GALNT5: variants seen among roughly 807,000 people sequenced by gnomAD.
The protein encoded by GALNT5 is polypeptide N-acetylgalactosaminyltransferase 5, also known as UDP-GalNAc:polypeptide N-acetylgalactosaminyltransferase 5.
Under a neutral mutation model 85.4 loss-of-function variants are expected in GALNT5, and 72 were observed. That is an observed-to-expected ratio of 0.84 (90% CI 0.70 to 1.03). The LOEUF (loss-of-function observed/expected upper bound fraction) is 1.03, where lower values mean the gene tolerates loss of function less well. Among genes scored for constraint, GALNT5 ranks in the 50% least tolerant of loss-of-function variants. The pLI is 0.00. For missense variants in GALNT5, 1,137 were observed against 1,135.5 expected, an observed-to-expected ratio of 1.00 and a Z score of -0.02; for synonymous variants, 404 against 397.0, an observed-to-expected ratio of 1.02 and a Z score of -0.21.
chr2:157,265,777 T>C (rs1021982580), intron 1 of GALNT5, among the ~76,000 whole-genome samples: 1 of 152,178 alleles, frequency 6.6e-6, no homozygotes, highest in African/African-American at 2.4e-5. Flanking sequence ...AATAGCAATG[T>C]TTAGAAGCTG....
At chr2:157,280,641 A>C (rs1440306940) in intron 1 of GALNT5, among the ~76,000 whole-genome samples, 1 of 152,242 alleles carries the variant, frequency 6.6e-6, no homozygotes. Context: ...CCAAAAATAC[A>C]GAAGTATCAT....
At chr2:157,272,887 T>C (rs1337709062) in intron 1 of GALNT5, among the ~76,000 whole-genome samples, 1 of 152,210 alleles carries the variant, frequency 6.6e-6, no homozygotes, top group African/African-American at 2.4e-5. Context: ...ATTGGATTGC[T>C]TGCTCAAATG....
chr2:157,291,060 T>C (rs948280419), intron 3 of GALNT5, among the ~76,000 whole-genome samples: 16 of 152,250 alleles, frequency 1.1e-4, no homozygotes, highest in African/African-American at 3.9e-4. Flanking sequence ...AATGGATCTC[T>C]AAGAATTGCC....
chr2:157,262,437 G>A (rs1315049576), intron 1 of GALNT5, among the ~76,000 whole-genome samples: 1 of 152,086 alleles, frequency 6.6e-6, no homozygotes, highest in African/African-American at 2.4e-5. Context: ...AGGAGTTTGA[G>A]ATCAGCCTGG....
At chr2:157,302,652 G>A (rs770832979) in intron 7 of GALNT5, 4 of 151,728 alleles carry the variant, frequency 2.6e-5, no homozygotes, top group Non-Finnish European at 5.9e-5. Flanking sequence ...ATCTCAGTCA[G>A]AGTAATAATA....
chr2:157,273,831 T>C (rs1682654238), intron 1 of GALNT5, among the ~76,000 whole-genome samples: 1 of 151,738 alleles, frequency 6.6e-6, no homozygotes, highest in African/African-American at 2.4e-5. Context: ...TTTTTTATTA[T>C]ACTTTAATAA....
At chr2:157,281,347 C>A (rs1374900372) in intron 1 of GALNT5, among the ~76,000 whole-genome samples, 12 of 152,144 alleles carry the variant, frequency 7.9e-5, no homozygotes. Flanking sequence ...TTACAGGTGC[C>A]CAGCCAGGTG....
At chr2:157,289,478 G>A (rs564866864) in intron 3 of GALNT5, among the ~76,000 whole-genome samples, 5 of 152,110 alleles carry the variant, frequency 3.3e-5, no homozygotes, top group Non-Finnish European at 5.9e-5. Flanking sequence ...ATGTGGAATA[G>A]ATTCTAATAC....
chr2:157,280,846 TAA>T (rs900862511), intron 1 of GALNT5, among the ~76,000 whole-genome samples: 12 of 152,042 alleles, frequency 7.9e-5, no homozygotes, highest in African/African-American at 2.9e-4. Flanking sequence ...TTTGGTTGGT[TAA>T]AAGTGTCAGA....
In GALNT5 at chr2:157,258,826, G is replaced by A; in HGVS notation, c.744G>A (p.Lys248=). The A allele has an allele frequency of 6.3e-7, 1 of 1,590,056 alleles. No homozygotes were observed. The highest frequency in any genetic ancestry group is 1.3e-5 in the African/African-American group (1 of 74,098). The change falls in exon 1 of 10, where the codon AAG becomes AAA. Residue 248 remains lysine (K), a synonymous_variant. Transcript: ENST00000259056. ...ACCCTGCCAGCACAGCAGTGCCGAAGTCTGGGGAAGCCATGGCCTTAAACA... is the reference window on the plus strand; with the variant it reads ...ACCCTGCCAGCACAGCAGTGCCGAAATCTGGGGAAGCCATGGCCTTAAACA... ...RAHPASTAVP[K]SGEAMALNKT... is the part of the protein sequence containing the mutation.
At chr2:157,260,970 C>T (rs1682327290) in intron 1 of GALNT5, among the ~76,000 whole-genome samples, 2 of 152,146 alleles carry the variant, frequency 1.3e-5, no homozygotes, top group Admixed American at 1.3e-4. Flanking sequence ...GGTCACAAAG[C>T]TAGTCATTGT....
chr2:157,300,571 A>T, intron 6 of GALNT5, 105 bp from the exon 7 acceptor site: 1 of 828,856 alleles, frequency 1.2e-6, no homozygotes, highest in South Asian at 1.6e-5. Context: ...GAAGTTGAGT[A>T]TTACTTCAGG....
chr2:157,285,858 A>G (rs2105144549), intron 2 of GALNT5, among the ~76,000 whole-genome samples, 157 bp from the exon 3 acceptor site: 1 of 152,362 alleles, frequency 6.6e-6, no homozygotes, highest in Non-Finnish European at 1.5e-5. Context: ...TCCTTCCAAG[A>G]AAATGACATC....
intron 1 of GALNT5, among the ~76,000 whole-genome samples, chr2:157,265,447 G>A (rs1232883592): frequency 6.6e-6 from 1 of 152,182 alleles, no homozygotes; most frequent in Non-Finnish European, 1.5e-5. Context: ...CAGCTAAACA[G>A]TGCCTAATTA....
rs987024619 is a variant in GALNT5 at position 157,308,857 on chromosome 2, G to A, written c.2682+129G>A. On this transcript the variant is annotated intron_variant, in intron 9 of 9. Transcript: ENST00000259056. ...TTTGTGACCATGGGATTATGTAAAA[G>A]TTCATTCACAGAGATGCATGGATAT... is the stretch of plus-strand genomic sequence containing the variant. The A allele has an allele frequency of 2.3e-5, 15 of 644,798 alleles. No individual in the cohort carries two copies. The African/African-American group carries it at 2.4e-4, about 10-fold the overall frequency. 39.9% of individuals were successfully genotyped at this position (644,798 alleles called of 1,614,324 possible).
rs1318471778 is a variant in GALNT5 at position 157,289,396 on chromosome 2, A to ACATT, written c.1741+3262_1741+3263insCATT. Among the ~76,000 whole-genome samples, 3 of 152,370 alleles carry ACATT rather than the reference A, an allele frequency of 2.0e-5. No individual in the cohort carries two copies. In the East Asian group the frequency reaches 5.8e-4, roughly 29 times the overall value. Reference sequence around the variant, plus strand: ...CATTTTGACAATGGCTTGTGTAGAAATAAATGTTTCATCACAACTCAGTAC... The same window carrying ACATT: ...CATTTTGACAATGGCTTGTGTAGAAACATTTAAATGTTTCATCACAACTCAGTAC... On this transcript the variant is annotated intron_variant, in intron 3 of 9. Transcript: ENST00000259056.
chr2:157,310,931 A>T (rs1270757387), intron 9 of GALNT5, among the ~76,000 whole-genome samples: 3 of 152,204 alleles, frequency 2.0e-5, no homozygotes, highest in Non-Finnish European at 4.4e-5. Context: ...TTCTCTTTAA[A>T]GAGTATAGTT....
chr2:157,259,208 G>T lies in GALNT5; in HGVS notation c.1126G>T (p.Val376Leu). 1 of 1,583,726 alleles carries T rather than the reference G, an allele frequency of 6.3e-7. No homozygotes were observed. Among genetic ancestry groups the T allele is most frequent in the Non-Finnish European group, 8.6e-7 (1 of 1,169,146 alleles). Reference sequence around the variant, plus strand: ...TTCCTCTTCACTTGCTCCACATAGAGTGCCACTGTCCCAAACTAACCATGC... The same window carrying T: ...TTCCTCTTCACTTGCTCCACATAGATTGCCACTGTCCCAAACTAACCATGC... ...MSSSSLAPHR[V>L]PLSQTNHALT... is the part of the protein sequence containing the mutation. The change falls in exon 1 of 10, where the codon GTG (valine) becomes TTG (leucine). Residue 376 changes from valine (V) to leucine (L), a missense_variant. Physicochemically the swap from Val to Leu is conservative, Grantham distance 32. Coordinates refer to ENST00000259056, the MANE Select transcript of GALNT5 (RefSeq NM_014568.3).
intron 1 of GALNT5, among the ~76,000 whole-genome samples, chr2:157,274,591 AT>A (rs1190766834): frequency 1.1e-4 from 16 of 152,248 alleles, no homozygotes; most frequent in Non-Finnish European, 2.9e-5. Flanking sequence ...GATGATGAGT[AT>A]TTCTTCATGT....
Sources: gnomAD v4.1 joint callset for allele counts (sites outside exome capture counted in the v4.1 genomes callset) on GRCh38, gnomAD v4.1.1 for gene constraint, MANE v1.5 for transcripts, NCBI Gene and HGNC (gene_info 2026-07-23, HGNC 2026-07-21) for gene names.